The following SMURF2 variants were observed in gnomAD, a reference collection of about 807,000 sequenced individuals.
SMURF2 encodes the protein E3 ubiquitin-protein ligase SMURF2.
A neutral mutation model predicts 109.6 loss-of-function variants in SMURF2; 48 were observed. The observed-to-expected ratio is 0.44, with a 90% CI of 0.35 to 0.56. The LOEUF is 0.56. Among genes scored for constraint, SMURF2 ranks in the 20% least tolerant of loss-of-function variants. The pLI is 0.01. For missense variants in SMURF2, 575 were observed against 909.0 expected, an observed-to-expected ratio of 0.63 and a Z score of 4.72; for synonymous variants, 288 against 317.1, an observed-to-expected ratio of 0.91 and a Z score of 0.97.
intron 1 of SMURF2, among the ~76,000 whole-genome samples, chr17:64,621,790 C>G (rs1970206143): frequency 6.6e-6 from 1 of 151,258 alleles, no homozygotes; most frequent in Non-Finnish European, 1.5e-5. Context: ...AGGAGAATTG[C>G]TTGAACCGGG....
At chr17:64,576,904 C>T (rs1374204099) in intron 9 of SMURF2, among the ~76,000 whole-genome samples, 21 of 90,104 alleles carry the variant, frequency 2.3e-4, no homozygotes, top group African/African-American at 8.8e-4. Context: ...TTTTTTGAGA[C>T]GGGTCTCGTT....
At chr17:64,592,225 A>AG (rs1227556471) in intron 4 of SMURF2, among the ~76,000 whole-genome samples, 1 of 152,222 alleles carries the variant, frequency 6.6e-6, no homozygotes, top group East Asian at 1.9e-4. Context: ...TTAGAACAGT[A>AG]GCACATTAAG....
chr17:64,578,665 G>GA (rs1210370962), intron 8 of SMURF2, 89 bp from the exon 9 acceptor site: 23 of 760,462 alleles, frequency 3.0e-5, no homozygotes, highest in Admixed American at 2.5e-4. Flanking sequence ...TACTAATAGG[G>GA]AAAAATCTCC....
chr17:64,598,346 G>A, intron 3 of SMURF2, 36 bp downstream of exon 3: 1 of 1,435,258 alleles, frequency 7.0e-7, no homozygotes, highest in South Asian at 1.3e-5. Context: ...ATAATTTAAT[G>A]ATATGTTCCA....
At chr17:64,648,096 G>C (rs1555693166) in intron 1 of SMURF2, among the ~76,000 whole-genome samples, 1 of 107,610 alleles carries the variant, frequency 9.3e-6, no homozygotes, top group African/African-American at 3.4e-5. Context: ...AAAAAAACAG[G>C]ATCTCAATAG....
chr17:64,649,014 T>C (rs961393806), intron 1 of SMURF2, among the ~76,000 whole-genome samples: 1 of 152,152 alleles, frequency 6.6e-6, no homozygotes, highest in Non-Finnish European at 1.5e-5. Context: ...TCTTCTTCAC[T>C]GGAGGAAGAA....
At chr17:64,625,811 A>G (rs192472581) in intron 1 of SMURF2, among the ~76,000 whole-genome samples, 2 of 152,262 alleles carry the variant, frequency 1.3e-5, no homozygotes, top group Admixed American at 1.3e-4. Flanking sequence ...GGCCTTAAAT[A>G]ATGGCTCTCT....
At chr17:64,561,946 G>A (rs1969226106) in intron 11 of SMURF2, among the ~76,000 whole-genome samples, 2 of 152,000 alleles carry the variant, frequency 1.3e-5, no homozygotes, top group African/African-American at 2.4e-5. Context: ...GCTACAGTGA[G>A]CTATGATCAT....
Position 64,566,561 on chromosome 17 carries a change from G to GTTTGTTTTTTTTTTTT in SMURF2, c.1017-3596_1017-3595insAAAAAAAAAAAACAAA, listed in dbSNP as rs1969305868. On this transcript the variant is annotated intron_variant, in intron 10 of 18. Transcript: ENST00000262435. ...GATGTAGAAATGCTTAAGCTTTCTGGTTTTTTTTTTTTTTTTTTTTTTTTT... is the reference window on the plus strand; with the variant it reads ...GATGTAGAAATGCTTAAGCTTTCTGGTTTGTTTTTTTTTTTTTTTTTTTTTTTTTTTTTTTTTTTTT... 6.8e-4 allele frequency among the ~76,000 whole-genome samples: 30 copies of GTTTGTTTTTTTTTTTT among 43,810 alleles called. 1 individual carries two copies. Among genetic ancestry groups the GTTTGTTTTTTTTTTTT allele is most frequent in the African/African-American group, 2.3e-3 (30 of 13,318 alleles). The allele number at this position is 43,810 out of a possible 152,430, so 28.7% of individuals were successfully genotyped here.
At chr17:64,652,173 T>C (rs544910333) in intron 1 of SMURF2, among the ~76,000 whole-genome samples, 1 of 152,360 alleles carries the variant, frequency 6.6e-6, no homozygotes, top group African/African-American at 2.4e-5. Context: ...ATAGAAATTC[T>C]GAAAGGAAAA....
At chr17:64,591,443 G>C (rs1969750386) in intron 4 of SMURF2, among the ~76,000 whole-genome samples, 1 of 152,040 alleles carries the variant, frequency 6.6e-6, no homozygotes, top group Non-Finnish European at 1.5e-5. Context: ...ATATTTTTTT[G>C]AGGATTAAAT....
At chr17:64,623,687 T>C (rs533564121) in intron 1 of SMURF2, among the ~76,000 whole-genome samples, 11 of 152,386 alleles carry the variant, frequency 7.2e-5, no homozygotes, top group East Asian at 1.9e-4. Flanking sequence ...CCGAGTTCCA[T>C]TGAAATTACC....
At chr17:64,579,903 G>A (rs1969555493) in intron 8 of SMURF2, among the ~76,000 whole-genome samples, 1 of 152,148 alleles carries the variant, frequency 6.6e-6, no homozygotes, top group South Asian at 2.1e-4. Flanking sequence ...GTTAACCTTT[G>A]AGTCATAGCA....
rs1968979940 is a variant in SMURF2 at position 64,547,755 on chromosome 17, A to C, written c.1916T>G (p.Val639Gly). Reference sequence around the variant, plus strand: ...TGTACAGTGTTTTAACCGGGTGTTTACCTTCCAGTCATTAACATCTATCTT... The same window carrying C: ...TGTACAGTGTTTTAACCGGGTGTTTCCCTTCCAGTCATTAACATCTATCTT... ...LGKIDVNDWK[V>G]NTRLKHCTPD... Residue 639 changes from valine (V) to glycine (G), a missense_variant, in exon 17 of 19, where the codon GTA becomes GGA. Physicochemically the swap from Val to Gly is moderately radical, Grantham distance 109. Around this residue, in one of 5 missense-constraint regions of SMURF2, gnomAD observed 361 missense variants for 612.1 expected, o/e 0.59. Coordinates refer to ENST00000262435, the MANE Select transcript of SMURF2 (RefSeq NM_022739.4). This position sits in a 1 kb window ranked among gnomAD's most constrained non-coding sequence, Gnocchi z 4.2. The C allele has an allele frequency of 6.2e-7, 1 of 1,614,112 alleles. No individual in the cohort carries two copies. The highest frequency in any genetic ancestry group is 8.5e-7 in the Non-Finnish European group (1 of 1,180,042).
At chr17:64,610,943 C>T (rs983025892) in intron 1 of SMURF2, among the ~76,000 whole-genome samples, 6 of 152,136 alleles carry the variant, frequency 3.9e-5, no homozygotes, top group Admixed American at 6.5e-5. Flanking sequence ...TGGCACTTGA[C>T]CCCCTCATGG....
At chr17:64,598,677 A>T (rs1340905067) in intron 2 of SMURF2, among the ~76,000 whole-genome samples, 187 bp from the exon 3 acceptor site, 1 of 152,222 alleles carries the variant, frequency 6.6e-6, no homozygotes, top group Non-Finnish European at 1.5e-5. Context: ...TACCAAAACT[A>T]TATTTTTTCT....
At chr17:64,583,990 C>A (rs1969612139) in intron 6 of SMURF2, among the ~76,000 whole-genome samples, 2 of 151,864 alleles carry the variant, frequency 1.3e-5, no homozygotes, top group African/African-American at 4.8e-5. Flanking sequence ...TTTAGCCTAC[C>A]CAAACTAATT....
intron 6 of SMURF2, among the ~76,000 whole-genome samples, chr17:64,585,433 T>C (rs1222771585): frequency 1.3e-5 from 2 of 152,228 alleles, no homozygotes; most frequent in Admixed American, 1.3e-4. Flanking sequence ...AATTATTTCA[T>C]TTGATCCTCT....
At chr17:64,638,056 C>CTT (rs1280122886) in intron 1 of SMURF2, among the ~76,000 whole-genome samples, 7 of 128,958 alleles carry the variant, frequency 5.4e-5, no homozygotes, top group African/African-American at 9.5e-5. Flanking sequence ...TTTTTTTTTC[C>CTT]TTTTTCTTTT....
Sources: allele counts gnomAD v4.1 joint callset (sites outside exome capture counted in the v4.1 genomes callset), GRCh38; gene constraint gnomAD v4.1.1; regional missense constraint gnomAD v4.1.1; non-coding constraint Gnocchi (gnomAD v3.1); transcripts MANE v1.5; gene names NCBI Gene and HGNC (gene_info 2026-07-23, HGNC 2026-07-21).